ADK: variants seen among roughly 807,000 people sequenced by gnomAD.
The protein encoded by ADK is adenosine kinase, also known as N6,N6-dimethyladenosine kinase.
In ADK, 24 loss-of-function variants were observed where a neutral mutation model predicts 44.7. The ratio of observed to expected loss-of-function variants is 0.54; its 90% CI spans 0.39 to 0.76. The LOEUF (loss-of-function observed/expected upper bound fraction) is 0.76, where lower values mean the gene tolerates loss of function less well. Ranked by LOEUF, ADK falls within the 30% of genes least tolerant of loss-of-function variation. The pLI, the probability that ADK is intolerant of heterozygous loss-of-function variation, is 0.00. For missense variants in ADK, 321 were observed against 425.1 expected, an observed-to-expected ratio of 0.76 and a Z score of 2.15; for synonymous variants, 128 against 142.6, an observed-to-expected ratio of 0.90 and a Z score of 0.73.
intron 6 of ADK, among the ~76,000 whole-genome samples, chr10:74,432,326 A>T (rs1845030329): frequency 6.6e-6 from 1 of 152,134 alleles, no homozygotes. Context: ...ATCTGATCCT[A>T]CTTAGTGGTT....
At chr10:74,224,348 G>T (rs1463845087) in intron 2 of ADK, among the ~76,000 whole-genome samples, 190 bp from the exon 3 acceptor site, 1 of 152,186 alleles carries the variant, frequency 6.6e-6, no homozygotes, top group Non-Finnish European at 1.5e-5. Context: ...TCTCCTTTCA[G>T]TTCCTGGAGT....
At chr10:74,433,185 T>C (rs1845059107) in intron 6 of ADK, among the ~76,000 whole-genome samples, 1 of 152,198 alleles carries the variant, frequency 6.6e-6, no homozygotes, top group Admixed American at 6.5e-5. Flanking sequence ...TGTCATAATC[T>C]CATTCATTAA....
intron 1 of ADK, among the ~76,000 whole-genome samples, chr10:74,167,229 A>G: frequency 6.6e-6 from 1 of 151,668 alleles, no homozygotes; most frequent in East Asian, 1.9e-4. Flanking sequence ...CTGGTCTTGA[A>G]CTCCTAAGCT....
rs1842664693 is a variant in ADK at position 74,371,725 on chromosome 10, C to T, written c.274-22416C>T. On this transcript the variant is annotated intron_variant, in intron 4 of 10. Coordinates refer to ENST00000539909, the MANE Select transcript of ADK (RefSeq NM_006721.4). Reference sequence around the variant, plus strand: ...GAGAAGCTTCTGCTGGCAGCTTGTGCCATTGTTGCCATTGAAAACCCTGCT... The same window carrying T: ...GAGAAGCTTCTGCTGGCAGCTTGTGTCATTGTTGCCATTGAAAACCCTGCT... 2.2e-6 allele frequency: 3 copies of T among 1,345,816 alleles called. No individual in the cohort carries two copies. The Admixed American group carries it at 5.0e-5, about 23-fold the overall frequency. 83.4% of individuals were successfully genotyped at this position (1,345,816 alleles called of 1,614,324 possible).
intron 9 of ADK, among the ~76,000 whole-genome samples, chr10:74,635,792 C>A (rs1411218164): frequency 1.3e-5 from 2 of 151,936 alleles, no homozygotes; most frequent in Non-Finnish European, 2.9e-5. Flanking sequence ...CAATTAAAAG[C>A]CCACTTTCAG....
At chr10:74,509,920 T>C (rs1389482644) in intron 6 of ADK, among the ~76,000 whole-genome samples, 1 of 152,208 alleles carries the variant, frequency 6.6e-6, no homozygotes, top group Admixed American at 6.5e-5. Context: ...GATTTTATGC[T>C]TTTTTATGGC....
At chr10:74,554,821 T>A (rs1225817614) in intron 7 of ADK, among the ~76,000 whole-genome samples, 1 of 151,988 alleles carries the variant, frequency 6.6e-6, no homozygotes, top group East Asian at 1.9e-4. Context: ...AAGCAGTGTT[T>A]TCTTTCCCAC....
Position 74,488,374 on chromosome 10 carries a change from C to CGTGTGT in ADK, c.556-36855_556-36850dup, listed in dbSNP as rs60178427. ...TCCAGTGGTTTGAGGGGAAAAAAGA[C>CGTGTGT]GTGTGTGTGTGTGTGTGTGTGTGTG... On this transcript the variant is annotated intron_variant, in intron 6 of 10. Coordinates refer to ENST00000539909, the MANE Select transcript of ADK (RefSeq NM_006721.4). Among the ~76,000 whole-genome samples, 1,380 of 140,852 alleles carry CGTGTGT rather than the reference C, an allele frequency of 9.8e-3. 7 individuals carry two copies. The highest frequency in any genetic ancestry group is 0.047 in the Middle Eastern group (13 of 274). 92.4% of individuals were successfully genotyped at this position (140,852 alleles called of 152,430 possible).
intron 6 of ADK, among the ~76,000 whole-genome samples, chr10:74,516,180 G>A (rs1848565740): frequency 6.6e-6 from 1 of 152,150 alleles, no homozygotes; most frequent in Admixed American, 6.5e-5. Flanking sequence ...GTGTAGTAAG[G>A]CCTTCATGTG....
chr10:74,703,393 A>G (rs1856501420), intron 10 of ADK, among the ~76,000 whole-genome samples: 1 of 151,926 alleles, frequency 6.6e-6, no homozygotes, highest in South Asian at 2.1e-4. Context: ...GAGGTAGGAG[A>G]ATCACCTGAG....
intron 9 of ADK, among the ~76,000 whole-genome samples, chr10:74,603,741 T>A (rs1031346652): frequency 1.3e-5 from 2 of 152,224 alleles, no homozygotes; most frequent in Non-Finnish European, 2.9e-5. Flanking sequence ...GTAGAATGAT[T>A]TATAATCCTT....
At chr10:74,465,810 T>C (rs1365799305) in intron 6 of ADK, among the ~76,000 whole-genome samples, 3 of 152,174 alleles carry the variant, frequency 2.0e-5, no homozygotes, top group Non-Finnish European at 4.4e-5. Context: ...GGGAAAGTCT[T>C]GGTCTCATAG....
At chr10:74,266,207 C>T (rs1462929845) in intron 3 of ADK, among the ~76,000 whole-genome samples, 2 of 152,148 alleles carry the variant, frequency 1.3e-5, no homozygotes, top group South Asian at 2.1e-4. Flanking sequence ...TAGGTGGTGC[C>T]ATTAGTCTTA....
chr10:74,571,325 C>A (rs1298308880), intron 7 of ADK, among the ~76,000 whole-genome samples: 1 of 152,078 alleles, frequency 6.6e-6, no homozygotes, highest in Admixed American at 6.5e-5. Flanking sequence ...GGAGGATTCC[C>A]TCTTTTTCTA....
At chr10:74,538,987 T>A (rs1849542672) in intron 7 of ADK, among the ~76,000 whole-genome samples, 1 of 152,336 alleles carries the variant, frequency 6.6e-6, no homozygotes, top group African/African-American at 2.4e-5. Context: ...GTGCTATACA[T>A]GCATACAACT....
chr10:74,305,195 T>G (rs1840202970), intron 3 of ADK, among the ~76,000 whole-genome samples: 1 of 152,208 alleles, frequency 6.6e-6, no homozygotes, highest in Non-Finnish European at 1.5e-5. Flanking sequence ...TCCAAATATT[T>G]TCAATCTGTG....
chr10:74,537,511 C>G (rs974477152), intron 7 of ADK, among the ~76,000 whole-genome samples: 1 of 152,188 alleles, frequency 6.6e-6, no homozygotes, highest in Non-Finnish European at 1.5e-5. Flanking sequence ...CCCCTTAATG[C>G]AAGCTGCTTT....
At chr10:74,503,924 C>T (rs991312141) in intron 6 of ADK, among the ~76,000 whole-genome samples, 3 of 152,176 alleles carry the variant, frequency 2.0e-5, no homozygotes, top group African/African-American at 7.2e-5. Flanking sequence ...AATCCTCTTA[C>T]TTTGCTCTCC....
intron 9 of ADK, 29 bp from the exon 10 acceptor site, chr10:74,670,154 A>T: frequency 1.9e-6 from 3 of 1,569,612 alleles, no homozygotes; most frequent in Non-Finnish European, 2.6e-6. Context: ...AAGAGAAGTC[A>T]TTCTGCCTTT....
Sources: allele counts gnomAD v4.1 joint callset (sites outside exome capture counted in the v4.1 genomes callset), GRCh38; gene constraint gnomAD v4.1.1; transcripts MANE v1.5; gene names NCBI Gene and HGNC (gene_info 2026-07-23, HGNC 2026-07-21).